Variants in CHN2 observed in about 807,000 individuals in gnomAD.
CHN2 encodes beta-chimaerin.
Under a neutral mutation model 56.3 loss-of-function variants are expected in CHN2, and 35 were observed. The observed-to-expected ratio is 0.62, with a 90% CI of 0.47 to 0.82. CHN2 has a LOEUF of 0.82. Ranked by LOEUF, CHN2 falls within the 40% of genes least tolerant of loss-of-function variation. The pLI, the probability that CHN2 is intolerant of heterozygous loss-of-function variation, is 0.00. For missense variants in CHN2, 491 were observed against 580.5 expected (o/e 0.85, Z 1.58); for synonymous variants, 210 against 212.8 (o/e 0.99, Z 0.12).
chr7:29,265,291 C>G (rs1458047894), intron 1 of CHN2, among the ~76,000 whole-genome samples: 2 of 152,210 alleles, frequency 1.3e-5, no homozygotes, highest in African/African-American at 2.4e-5. Flanking sequence ...GGTTTCCTGC[C>G]TGGCTTCCTT....
chr7:29,185,514 A>G (rs1798600731), intron 2 of CHN2: 1 of 151,908 alleles, frequency 6.6e-6, no homozygotes, highest in Admixed American at 6.6e-5. Context: ...AGCTCTTACC[A>G]TTTCCAGTCA....
At chr7:29,425,102 A>G (rs1043312916) in intron 6 of CHN2, among the ~76,000 whole-genome samples, 3 of 152,226 alleles carry the variant, frequency 2.0e-5, no homozygotes, top group Non-Finnish European at 4.4e-5. Context: ...TATGACAGCC[A>G]TTGGTGTTGA....
intron 1 of CHN2, among the ~76,000 whole-genome samples, chr7:29,230,716 A>G (rs558750164): frequency 7.2e-5 from 11 of 152,308 alleles, no homozygotes; most frequent in African/African-American, 1.2e-4. Flanking sequence ...AGATTTTTAC[A>G]TATTTAAAGA....
intron 1 of CHN2, among the ~76,000 whole-genome samples, chr7:29,285,993 C>T (rs1792108361): frequency 6.6e-6 from 1 of 152,100 alleles, no homozygotes; most frequent in Non-Finnish European, 1.5e-5. Context: ...AAAGGTACCA[C>T]CAGAAACATA....
intron 1 of CHN2, among the ~76,000 whole-genome samples, chr7:29,259,810 A>G (rs1159168831): frequency 6.6e-6 from 1 of 152,196 alleles, no homozygotes; most frequent in East Asian, 1.9e-4. Flanking sequence ...ATGTATACAT[A>G]TATCAAATTG....
chr7:29,480,390 A>G (rs1036100725), intron 7 of CHN2, 34 bp downstream of exon 7: 5 of 1,598,760 alleles, frequency 3.1e-6, no homozygotes, highest in African/African-American at 2.7e-5. Context: ...CTTCTGTTAC[A>G]AAAGGGCAGG....
intron 1 of CHN2, among the ~76,000 whole-genome samples, chr7:29,234,440 G>A (rs1261769096): frequency 1.6e-4 from 25 of 152,014 alleles, no homozygotes; most frequent in Admixed American, 1.6e-3. Context: ...AAATTTAATG[G>A]GGCCCATAAA....
intron 1 of CHN2, among the ~76,000 whole-genome samples, chr7:29,240,973 C>T (rs975164778): frequency 6.6e-6 from 1 of 152,070 alleles, no homozygotes; most frequent in African/African-American, 2.4e-5. Flanking sequence ...GCAACCTCCA[C>T]CTGCCAGGTT....
At chr7:29,509,673 T>A (rs1258508479) in intron 12 of CHN2, 1 of 240,790 alleles carries the variant, frequency 4.2e-6, no homozygotes, top group Non-Finnish European at 8.3e-6. Context: ...TGAAACCCTG[T>A]CTCTACTAAA....
chr7:29,367,397 G>C (rs982834866), intron 2 of CHN2, among the ~76,000 whole-genome samples: 12 of 152,074 alleles, frequency 7.9e-5, no homozygotes, highest in Admixed American at 5.9e-4. Context: ...GATAGACAGG[G>C]GGAAAATGGA....
chr7:29,194,651 G>A (rs913886373), upstream of CHN2: 9 of 325,946 alleles, frequency 2.8e-5, no homozygotes, highest in Non-Finnish European at 3.3e-5. Flanking sequence ...AGATCCGCCC[G>A]TCCCGGCTGC....
chr7:29,225,078 A>T (rs943401735), intron 1 of CHN2, among the ~76,000 whole-genome samples: 1 of 152,220 alleles, frequency 6.6e-6, no homozygotes, highest in African/African-American at 2.4e-5. Flanking sequence ...TCACAGCAAG[A>T]TTGCTTTTAG....
chr7:29,192,236 T>A (rs1421863009), upstream of CHN2: 1 of 152,316 alleles, frequency 6.6e-6, no homozygotes, highest in Non-Finnish European at 1.5e-5. Flanking sequence ...CTCAGCTTTT[T>A]TCTACTTCTG....
chr7:29,262,885 G>A (rs1789676668), intron 1 of CHN2, among the ~76,000 whole-genome samples: 1 of 152,268 alleles, frequency 6.6e-6, no homozygotes, highest in Middle Eastern at 3.4e-3. Flanking sequence ...CGTGGCACAC[G>A]TTTACCTATG....
upstream of CHN2, chr7:29,192,160 G>C (rs532010462): frequency 3.5e-4 from 54 of 152,398 alleles, no homozygotes; most frequent in Non-Finnish European, 4.4e-5. Flanking sequence ...GCACTTCTCT[G>C]TTCAGCAAGC....
intron 12 of CHN2, among the ~76,000 whole-genome samples, chr7:29,510,286 T>C (rs6963751): frequency 0.078 from 11,803 of 152,148 alleles, 1,176 homozygotes; most frequent in African/African-American, 0.23. Context: ...GTAATGAGGC[T>C]GCAGTCTTAT....
At chr7:29,427,224 A>T (rs1804956165) in intron 6 of CHN2, among the ~76,000 whole-genome samples, 1 of 152,168 alleles carries the variant, frequency 6.6e-6, no homozygotes, top group Non-Finnish European at 1.5e-5. Flanking sequence ...GCTGAGGCAC[A>T]AGAATCTCTT....
intron 6 of CHN2, among the ~76,000 whole-genome samples, chr7:29,405,965 G>A (rs890831384): frequency 7.9e-5 from 12 of 152,112 alleles, no homozygotes; most frequent in Non-Finnish European, 1.2e-4. Context: ...TCCAGCCCTC[G>A]CTTACTGGCA....
chr7:29,231,197 C>T (rs567808266), intron 1 of CHN2, among the ~76,000 whole-genome samples: 126 of 152,270 alleles, frequency 8.3e-4, no homozygotes, highest in Middle Eastern at 6.8e-3. Context: ...GGCTTACTTT[C>T]GGCTCAAAGT....
Sources: allele counts gnomAD v4.1 joint callset (sites outside exome capture counted in the v4.1 genomes callset), GRCh38; gene constraint gnomAD v4.1.1; transcripts MANE v1.5; gene names NCBI Gene and HGNC (gene_info 2026-07-23, HGNC 2026-07-21).